The following RALGPS1 variants were observed in gnomAD, a reference collection of about 807,000 sequenced individuals.
RALGPS1 encodes the protein ras-specific guanine nucleotide-releasing factor RalGPS1.
A neutral mutation model predicts 78.8 loss-of-function variants in RALGPS1; 19 were observed. That is an observed-to-expected ratio of 0.24 (90% CI 0.17 to 0.35). RALGPS1 has a LOEUF of 0.35. Among genes scored for constraint, RALGPS1 ranks in the 10% least tolerant of loss-of-function variants. The probability of loss-of-function intolerance (pLI) is 1.00; values close to 1 mark genes in which losing one functional copy is unlikely to be tolerated. For missense variants in RALGPS1, 454 were observed against 688.3 expected (o/e 0.66, Z 3.81); for synonymous variants, 228 against 256.3 (o/e 0.89, Z 1.06).
intron 8 of RALGPS1, among the ~76,000 whole-genome samples, chr9:127,070,194 C>T (rs150599217): frequency 5.3e-4 from 80 of 152,210 alleles, no homozygotes; most frequent in African/African-American, 1.6e-3. Context: ...CAGTAGGGTT[C>T]GCGCTCCTAT....
At chr9:126,939,818 T>G (rs1346736182) in intron 1 of RALGPS1, among the ~76,000 whole-genome samples, 1 of 152,220 alleles carries the variant, frequency 6.6e-6, no homozygotes, top group Non-Finnish European at 1.5e-5. Flanking sequence ...TGACAAGCGT[T>G]GCGGAGGGCT....
At chr9:127,056,940 CCA>C (rs1479021134) in intron 7 of RALGPS1, among the ~76,000 whole-genome samples, 2 of 152,156 alleles carry the variant, frequency 1.3e-5, no homozygotes, top group African/African-American at 2.4e-5. Flanking sequence ...ACCTCATGTG[CCA>C]CAGAGTAGGG....
Position 127,222,787 on chromosome 9 carries a change from A to G in RALGPS1, c.*4018A>G, listed in dbSNP as rs1179095469. ...CATGGTTTTCCACTTAGCATTCAAA[A>G]TGTTGCATAGAGAGTAGTTTTCAAT... is the stretch of plus-strand genomic sequence containing the variant. On this transcript the variant is annotated 3_prime_UTR_variant, in exon 19 of 19. Coordinates refer to ENST00000259351, the MANE Select transcript of RALGPS1 (RefSeq NM_014636.3). 1 of 152,702 alleles carries G rather than the reference A, an allele frequency of 6.5e-6. No homozygotes were observed. The highest frequency in any genetic ancestry group is 1.5e-5 in the Non-Finnish European group (1 of 68,050). 9.5% of individuals were successfully genotyped at this position (152,702 alleles called of 1,614,324 possible).
intron 8 of RALGPS1, among the ~76,000 whole-genome samples, chr9:127,123,433 G>A (rs994022500): frequency 1.9e-4 from 29 of 152,190 alleles, no homozygotes; most frequent in African/African-American, 6.8e-4. Context: ...CAGCTGCAGC[G>A]AGGACTCTGT....
intron 1 of RALGPS1, among the ~76,000 whole-genome samples, chr9:126,960,160 T>G (rs2038737153): frequency 7.2e-6 from 1 of 139,810 alleles, no homozygotes. Context: ...CTTTCTTCCC[T>G]TCCTTCCCTC....
intron 8 of RALGPS1, among the ~76,000 whole-genome samples, chr9:127,118,092 A>G (rs1039688547): frequency 2.0e-5 from 3 of 152,100 alleles, no homozygotes; most frequent in Admixed American, 6.5e-5. Flanking sequence ...GTCTTGCTCT[A>G]TCACCAGACT....
intron 1 of RALGPS1, among the ~76,000 whole-genome samples, chr9:126,944,115 C>T (rs373025441): frequency 5.3e-5 from 8 of 152,354 alleles, no homozygotes; most frequent in East Asian, 1.9e-4. Flanking sequence ...CCTTACCATC[C>T]GCCAGCCAGC....
intron 8 of RALGPS1, chr9:127,089,184 C>G: frequency 1.3e-6 from 2 of 1,598,714 alleles, no homozygotes; most frequent in Non-Finnish European, 1.7e-6. Context: ...GGAGGCCATT[C>G]TACTTGCGTC....
At chr9:126,943,778 T>C (rs928865954) in intron 1 of RALGPS1, among the ~76,000 whole-genome samples, 1 of 152,186 alleles carries the variant, frequency 6.6e-6, no homozygotes, top group Non-Finnish European at 1.5e-5. Flanking sequence ...CCTGCCTGTC[T>C]CTGTAGACAG....
intron 11 of RALGPS1, among the ~76,000 whole-genome samples, chr9:127,186,640 C>G (rs1313990854): frequency 6.6e-6 from 1 of 152,236 alleles, no homozygotes; most frequent in South Asian, 2.1e-4. Context: ...AATGGGAATT[C>G]TTCTGCTTCC....
At chr9:127,128,760 TGAG>T (rs1346649025) in intron 8 of RALGPS1, among the ~76,000 whole-genome samples, 11 of 152,192 alleles carry the variant, frequency 7.2e-5, no homozygotes, top group Admixed American at 7.2e-4. Flanking sequence ...CTGGCTCTGG[TGAG>T]GAGAAGTTAG....
At chr9:127,192,602 G>A (rs915179894) in intron 11 of RALGPS1, among the ~76,000 whole-genome samples, 3 of 152,106 alleles carry the variant, frequency 2.0e-5, no homozygotes, top group Non-Finnish European at 2.9e-5. Flanking sequence ...AGGCTGCAGC[G>A]AGCCATCATA....
In RALGPS1 at chr9:127,190,422, C is replaced by T. The variant is rs552636424; in HGVS notation, c.911-4669C>T. Among the ~76,000 whole-genome samples, 108 of 152,244 alleles carry T rather than the reference C, an allele frequency of 7.1e-4. 1 individual carries two copies. The highest frequency in any genetic ancestry group is 1.9e-3 in the South Asian group (9 of 4,818). ...TACTGCAGCCTCCACCTCCTGGGTT[C>T]GAGCAGTCCTCCCACCTCAGCCTCC... On this transcript the variant is annotated intron_variant, in intron 11 of 18. Transcript: ENST00000259351.
chr9:127,124,862 C>T (rs2056491871), intron 8 of RALGPS1, among the ~76,000 whole-genome samples: 1 of 152,180 alleles, frequency 6.6e-6, no homozygotes, highest in South Asian at 2.1e-4. Context: ...CTAGGACTTT[C>T]CCACCCTCTG....
intron 8 of RALGPS1, among the ~76,000 whole-genome samples, chr9:127,119,328 G>A (rs1440389527): frequency 6.6e-6 from 1 of 152,198 alleles, no homozygotes; most frequent in Non-Finnish European, 1.5e-5. Context: ...CAGAGGGGTT[G>A]GTGCAGCATT....
intron 7 of RALGPS1, among the ~76,000 whole-genome samples, chr9:127,061,167 C>T (rs910252813): frequency 6.6e-6 from 1 of 152,124 alleles, no homozygotes; most frequent in Non-Finnish European, 1.5e-5. Flanking sequence ...CAGCAAACAC[C>T]AGAAGATTTC....
chr9:127,023,032 T>C (rs1268938302), intron 4 of RALGPS1, among the ~76,000 whole-genome samples: 1 of 152,210 alleles, frequency 6.6e-6, no homozygotes, highest in Non-Finnish European at 1.5e-5. Context: ...CCAATCACTG[T>C]TGTCTCTTCC....
At chr9:127,185,159 C>T (rs2060561076) in intron 11 of RALGPS1, among the ~76,000 whole-genome samples, 1 of 152,214 alleles carries the variant, frequency 6.6e-6, no homozygotes, top group Admixed American at 6.5e-5. Context: ...TACCCCCAGC[C>T]TGTGGTGTCA....
intron 8 of RALGPS1, among the ~76,000 whole-genome samples, chr9:127,162,380 A>G (rs1309934159): frequency 6.6e-6 from 1 of 152,244 alleles, no homozygotes; most frequent in Non-Finnish European, 1.5e-5. Flanking sequence ...TTACGATTTC[A>G]TTATAGTTTA....
Sources: allele counts gnomAD v4.1 joint callset (sites outside exome capture counted in the v4.1 genomes callset), GRCh38; gene constraint gnomAD v4.1.1; transcripts MANE v1.5; gene names NCBI Gene and HGNC (gene_info 2026-07-23, HGNC 2026-07-21).